Variants in CDK12 observed in about 807,000 individuals in gnomAD.
The protein encoded by CDK12 is cyclin dependent kinase 12, also known as cyclin-dependent kinase 12.
CDK12 carries 17 observed loss-of-function variants against 133.8 expected under a neutral mutation model. The observed-to-expected ratio is 0.13, with a 90% CI of 0.09 to 0.19. The LOEUF (loss-of-function observed/expected upper bound fraction) is 0.19. Among genes scored for constraint, CDK12 ranks in the 10% least tolerant of loss-of-function variants. CDK12 has a pLI of 1.00. For missense variants in CDK12, 1,508 were observed against 1,818.7 expected (o/e 0.83, Z 3.11); for synonymous variants, 694 against 683.6 (o/e 1.02, Z -0.24).
intron 6 of CDK12, 63 bp downstream of exon 6, chr17:39,501,502 A>G: frequency 8.9e-7 from 1 of 1,124,888 alleles, no homozygotes; most frequent in African/African-American, 1.6e-5. Context: ...TTTAGTTTCA[A>G]ATGGTTAATT....
Position 39,531,265 on chromosome 17 carries a change from G to A in CDK12, c.4422G>A (p.Gly1474=), listed in dbSNP as rs1316397683. The change falls in exon 14 of 14, where the codon GGG becomes GGA. Residue 1474 remains glycine (G), a synonymous_variant. Transcript: ENST00000447079. ...CTGCTTATGGAAAACTCTATCGGGG[G>A]CCTACAAGAGTCCCACCAAGAGGGG... ...QSSAYGKLYR[G]PTRVPPRGGR... The A allele has an allele frequency of 4.0e-6, 6 of 1,505,758 alleles. No homozygotes were observed. The highest frequency in any genetic ancestry group is 1.4e-5 in the South Asian group (1 of 71,448). The allele number at this position is 1,505,758 out of a possible 1,614,324, so 93.3% of individuals were successfully genotyped here.
At position 39,483,170 on chromosome 17, in the gene CDK12, C is replaced by T. The variant is rs531322452; in HGVS notation, c.1932-7387C>T. On this transcript the variant is annotated intron_variant, in intron 2 of 13. Coordinates refer to ENST00000447079, the MANE Select transcript of CDK12 (RefSeq NM_016507.4). ...TCAAGTGATCCACCCGCCTTGGCCT[C>T]CCAAAGTGCTGGCATTACAGGCGTG... 2.0e-5 allele frequency among the ~76,000 whole-genome samples: 3 copies of T among 152,108 alleles called. No individual in the cohort carries two copies. In the East Asian group the frequency reaches 5.8e-4, roughly 29 times the overall value.
At chr17:39,520,789 T>C (rs1413627849) in intron 11 of CDK12, among the ~76,000 whole-genome samples, 1 of 152,106 alleles carries the variant, frequency 6.6e-6, no homozygotes, top group Non-Finnish European at 1.5e-5. Flanking sequence ...GCCTTGCAAG[T>C]AGCTAGGATT....
chr17:39,521,629 G>A (rs1281998416), intron 11 of CDK12, among the ~76,000 whole-genome samples: 1 of 152,000 alleles, frequency 6.6e-6, no homozygotes. Flanking sequence ...GCGTGATCTC[G>A]GCTCACTGCA....
chr17:39,514,205 T>C (rs2053658252), intron 8 of CDK12, among the ~76,000 whole-genome samples: 1 of 152,156 alleles, frequency 6.6e-6, no homozygotes, highest in Non-Finnish European at 1.5e-5. Flanking sequence ...CTAAATTTTA[T>C]TTTCACTTTT....
chr17:39,517,518 G>T lies in CDK12; in HGVS notation c.2925G>T (p.Lys975Asn), dbSNP rs762239015. The change falls in exon 10 of 14, where the codon AAG becomes AAT. Residue 975 changes from lysine (K) to asparagine (N), a missense_variant. Transcript: ENST00000447079. ...CCTACTTCAACACCATGAAACCGAA[G>T]AAGCAATATCGAAGGCGTCTACGAG... is the stretch of plus-strand genomic sequence containing the variant. ...KLPYFNTMKP[K>N]KQYRRRLREE... 1 of 1,612,578 alleles carries T rather than the reference G, an allele frequency of 6.2e-7. No individual in the cohort carries two copies. The highest frequency in any genetic ancestry group is 1.1e-5 in the South Asian group (1 of 91,056).
intron 5 of CDK12, 82 bp downstream of exon 5, chr17:39,494,776 T>TC (rs2051934535): frequency 8.9e-6 from 9 of 1,007,790 alleles, no homozygotes; most frequent in Admixed American, 3.0e-5. Flanking sequence ...TTTCTTTCTT[T>TC]TTTTTTTTTT....
chr17:39,468,769 C>G (rs2049551538), intron 1 of CDK12, among the ~76,000 whole-genome samples: 1 of 151,824 alleles, frequency 6.6e-6, no homozygotes, highest in African/African-American at 2.4e-5. Flanking sequence ...GCCACAGTGC[C>G]CGGCACTTTT....
chr17:39,509,556 AAAAG>A (rs1339023796), intron 6 of CDK12, 145 bp from the exon 7 acceptor site: 1 of 607,808 alleles, frequency 1.6e-6, no homozygotes, highest in Non-Finnish European at 2.9e-6. Context: ...AAATTTTTTA[AAAAG>A]AAAGAGAAAA....
chr17:39,528,430 T>G (rs1217561691), intron 13 of CDK12, among the ~76,000 whole-genome samples: 7 of 152,126 alleles, frequency 4.6e-5, no homozygotes, highest in South Asian at 2.1e-4. Context: ...ACCTCCCAGG[T>G]TCAAGCGATT....
Position 39,471,239 on chromosome 17 carries a change from C to G in CDK12, c.1407C>G (p.Asn469Lys). ...AACTGGTGAATGTAACACATCTAAACACAGAGGTAAAAAATTCTTCAGATA... is the reference window on the plus strand; with the variant it reads ...AACTGGTGAATGTAACACATCTAAAGACAGAGGTAAAAAATTCTTCAGATA... ...DTELVNVTHLNTEVKNSSDTG... is the reference protein window; with the variant it reads ...DTELVNVTHLKTEVKNSSDTG... Residue 469 changes from asparagine to lysine, a missense_variant, in exon 2 of 14, where the codon AAC (asparagine) becomes AAG (lysine). Asn to Lys is a moderately conservative substitution (Grantham distance 94). Transcript: ENST00000447079. 1 of 1,608,168 alleles carries G rather than the reference C, an allele frequency of 6.2e-7. No individual in the cohort carries two copies. The highest frequency in any genetic ancestry group is 1.3e-5 in the African/African-American group (1 of 74,418).
downstream of CDK12, among the ~76,000 whole-genome samples, chr17:39,537,397 A>G (rs2055180833): frequency 6.6e-6 from 1 of 152,108 alleles, no homozygotes; most frequent in African/African-American, 2.4e-5. Context: ...TTGGCCTTAT[A>G]CTAGTGTTAA....
chr17:39,496,747 T>G (rs987559374), intron 5 of CDK12, among the ~76,000 whole-genome samples: 6 of 152,016 alleles, frequency 3.9e-5, no homozygotes, highest in Non-Finnish European at 8.8e-5. Flanking sequence ...TGAGTATCTT[T>G]CTGCATAAAT....
At chr17:39,465,453 C>G (rs897536264) in intron 1 of CDK12, among the ~76,000 whole-genome samples, 1 of 150,406 alleles carries the variant, frequency 6.6e-6, no homozygotes, top group Non-Finnish European at 1.5e-5. Flanking sequence ...AGTAAAATGC[C>G]TAAGTCTTAA....
In CDK12 at chr17:39,533,743, C is replaced by G. The variant is rs1415740568; in HGVS notation, c.*2427C>G. On this transcript the variant is annotated 3_prime_UTR_variant, in exon 14 of 14. Coordinates refer to ENST00000447079, the MANE Select transcript of CDK12 (RefSeq NM_016507.4). ...TCACCCCCACCCCCATTTTGGGAGTCTTTTAAAATGAAAACAAAGTTTGGT... is the reference window on the plus strand; with the variant it reads ...TCACCCCCACCCCCATTTTGGGAGTGTTTTAAAATGAAAACAAAGTTTGGT... The G allele has an allele frequency of 4.3e-6, 1 of 232,258 alleles. No individual in the cohort carries two copies. The highest frequency in any genetic ancestry group is 8.5e-6 in the Non-Finnish European group (1 of 117,658). 14.4% of individuals were successfully genotyped at this position (232,258 alleles called of 1,614,324 possible).
intron 5 of CDK12, 83 bp downstream of exon 5, chr17:39,494,777 T>TG (rs1451056742): frequency 9.3e-7 from 1 of 1,070,174 alleles, no homozygotes; most frequent in East Asian, 2.6e-5. Flanking sequence ...TTCTTTCTTT[T>TG]TTTTTTTTTT....
chr17:39,476,601 A>G (rs1286549352), intron 2 of CDK12, among the ~76,000 whole-genome samples: 2 of 149,654 alleles, frequency 1.3e-5, no homozygotes, highest in Non-Finnish European at 3.0e-5. Context: ...TTAGTAGACA[A>G]TGGGTTTCGC....
At position 39,487,694 on chromosome 17, in the gene CDK12, G is replaced by A. The variant is rs183329859; in HGVS notation, c.1932-2863G>A. The stretch of plus-strand genomic sequence containing the variant: ...TGCAGTGGCACGATCTCGGCTTACT[G>A]CAACCTTGACCTCCCCAGTTCAAGC... On this transcript the variant is annotated intron_variant, in intron 2 of 13. Transcript: ENST00000447079. Among the ~76,000 whole-genome samples the A allele has an allele frequency of 3.0e-3, 418 of 138,998 alleles. 1 individual carries two copies. Among genetic ancestry groups the A allele is most frequent in the Non-Finnish European group, 5.0e-3 (336 of 66,658 alleles). The allele number at this position is 138,998 out of a possible 152,430, so 91.2% of individuals were successfully genotyped here.
intron 3 of CDK12, among the ~76,000 whole-genome samples, chr17:39,558,713 G>A (rs902714470): frequency 1.3e-5 from 2 of 151,984 alleles, no homozygotes; most frequent in Non-Finnish European, 2.9e-5. Context: ...GTGCAGTCTC[G>A]GCTCACTGCA....
Sources: allele counts gnomAD v4.1 joint callset (sites outside exome capture counted in the v4.1 genomes callset), GRCh38; gene constraint gnomAD v4.1.1; transcripts MANE v1.5; gene names NCBI Gene and HGNC (gene_info 2026-07-23, HGNC 2026-07-21).